Variants in CDK5RAP2 observed in about 807,000 individuals in gnomAD.
CDK5RAP2 encodes CDK5 regulatory subunit-associated protein 2.
Under a neutral mutation model 232.9 loss-of-function variants are expected in CDK5RAP2, and 147 were observed. The ratio of observed to expected loss-of-function variants is 0.63; its 90% CI spans 0.55 to 0.72. The LOEUF is 0.72. Ranked by LOEUF, CDK5RAP2 falls within the 30% of genes least tolerant of loss-of-function variation. The probability of loss-of-function intolerance (pLI) is 0.00; values close to 1 mark genes in which losing one functional copy is unlikely to be tolerated. For synonymous variants in CDK5RAP2, 833 were observed against 833.7 expected (o/e 1.00, Z 0.01); for missense variants, 2,195 against 2,231.5 (o/e 0.98, Z 0.33).
intron 36 of CDK5RAP2, among the ~76,000 whole-genome samples, chr9:120,390,769 G>A (rs931614197): frequency 2.0e-5 from 3 of 152,166 alleles, no homozygotes; most frequent in Non-Finnish European, 2.9e-5. Flanking sequence ...CAGACTCAAC[G>A]CCCAACACAC....
chr9:120,407,269 A>C (rs1439840433), intron 31 of CDK5RAP2, 21 bp from the exon 32 acceptor site: 2 of 1,565,300 alleles, frequency 1.3e-6, no homozygotes, highest in Non-Finnish European at 1.8e-6. Flanking sequence ...GTGCAAAGAG[A>C]AGCCCTGACA....
chr9:120,475,531 T>C (rs1319875708), intron 15 of CDK5RAP2, among the ~76,000 whole-genome samples: 1 of 152,006 alleles, frequency 6.6e-6, no homozygotes, highest in African/African-American at 2.4e-5. Context: ...ATGAAATGTG[T>C]CCACTCCCTC....
chr9:120,419,769 T>C lies in CDK5RAP2; in HGVS notation c.4177+19A>G. ...TTTAATCAGGCCATGTTTAAAACAC[T>C]TAATGAGGCTTAGCTTACCTTGAGA... is the stretch of plus-strand genomic sequence containing the variant. On this transcript the variant is annotated intron_variant, in intron 27 of 37. Coordinates refer to ENST00000349780, the MANE Select transcript of CDK5RAP2 (RefSeq NM_018249.6). 1 of 1,597,556 alleles carries C rather than the reference T, an allele frequency of 6.3e-7. No individual in the cohort carries two copies. Among genetic ancestry groups the C allele is most frequent in the Non-Finnish European group, 8.6e-7 (1 of 1,165,006 alleles).
At chr9:120,501,201 G>A (rs1048546297) in intron 12 of CDK5RAP2, among the ~76,000 whole-genome samples, 31 of 152,246 alleles carry the variant, frequency 2.0e-4, no homozygotes, top group African/African-American at 7.5e-4. Context: ...CTGTCTTGCC[G>A]TTCCTCTTAC....
chr9:120,483,914 G>C (rs2038456468), intron 14 of CDK5RAP2, among the ~76,000 whole-genome samples: 1 of 152,214 alleles, frequency 6.6e-6, no homozygotes. Context: ...CTGGTAGATA[G>C]ATGGTGTCTA....
chr9:120,538,329 C>A (rs1212049259), intron 6 of CDK5RAP2, among the ~76,000 whole-genome samples: 1 of 152,092 alleles, frequency 6.6e-6, no homozygotes, highest in African/African-American at 2.4e-5. Flanking sequence ...GGTAGAGAAA[C>A]TGTGATAAAA....
chr9:120,517,047 G>A (rs1012224495), intron 12 of CDK5RAP2, among the ~76,000 whole-genome samples: 10 of 152,044 alleles, frequency 6.6e-5, no homozygotes, highest in South Asian at 2.1e-4. Context: ...CAACATGATC[G>A]TTCTGGAGCC....
chr9:120,478,025 T>C (rs1013068744), intron 14 of CDK5RAP2, among the ~76,000 whole-genome samples: 12 of 152,208 alleles, frequency 7.9e-5, no homozygotes, highest in Non-Finnish European at 1.8e-4. Flanking sequence ...TTCAGTCTCC[T>C]CATTTATGAA....
Position 120,415,129 on chromosome 9 carries a change from C to T in CDK5RAP2, c.4208G>A (p.Arg1403Gln), listed in dbSNP as rs767034315. ...DLLMEHIQEIRTLRKRLEESI... is the reference protein window; with the variant it reads ...DLLMEHIQEIQTLRKRLEESI... ...TTCTTCTAAACGCTTTCTCAAAGTT[C>T]GAATTTCCTGTATGTGTTCCATTAG... The change falls in exon 28 of 38, where the codon CGA (arginine) becomes CAA (glutamine). Residue 1403 changes from arginine to glutamine, a missense_variant. Arg to Gln is a conservative substitution (Grantham distance 43). Transcript: ENST00000349780. The T allele has an allele frequency of 9.9e-6, 16 of 1,614,090 alleles. No homozygotes were observed. The highest frequency in any genetic ancestry group is 2.2e-5 in the East Asian group (1 of 44,878).
chr9:120,527,366 A>C (rs1217716205), intron 10 of CDK5RAP2, among the ~76,000 whole-genome samples: 1 of 152,046 alleles, frequency 6.6e-6, no homozygotes, highest in Non-Finnish European at 1.5e-5. Flanking sequence ...CACTACCCAC[A>C]TGTGGCTCTT....
chr9:120,430,161 G>C (rs1320031182), intron 25 of CDK5RAP2, among the ~76,000 whole-genome samples: 1 of 152,080 alleles, frequency 6.6e-6, no homozygotes. Context: ...AAAAACCCTA[G>C]AAGAAAACCT....
intron 12 of CDK5RAP2, among the ~76,000 whole-genome samples, chr9:120,518,165 C>CTGTGTGTGTG (rs56032707): frequency 0.012 from 1,346 of 111,216 alleles, 12 homozygotes; most frequent in Non-Finnish European, 0.015. Flanking sequence ...GATAACAACT[C>CTGTGTGTGTG]TGTGTGTGTG....
chr9:120,461,902 GTCA>G (rs2131463484), intron 18 of CDK5RAP2, among the ~76,000 whole-genome samples: 1 of 152,324 alleles, frequency 6.6e-6, no homozygotes, highest in African/African-American at 2.4e-5. Context: ...AGAGTATTGG[GTCA>G]TTTGTTGGGC....
intron 7 of CDK5RAP2, among the ~76,000 whole-genome samples, chr9:120,531,487 C>T (rs560217865): frequency 6.6e-6 from 1 of 152,306 alleles, no homozygotes; most frequent in East Asian, 1.9e-4. Flanking sequence ...TCTCTCTGAG[C>T]CTGTGCCTCC....
intron 12 of CDK5RAP2, among the ~76,000 whole-genome samples, chr9:120,503,344 G>T (rs572813427): frequency 1.3e-5 from 2 of 152,180 alleles, no homozygotes; most frequent in Non-Finnish European, 2.9e-5. Flanking sequence ...ATGACCATAG[G>T]GGGAGGGCAG....
intron 3 of CDK5RAP2, among the ~76,000 whole-genome samples, chr9:120,564,281 C>T (rs1394549477): frequency 6.6e-6 from 1 of 151,972 alleles, no homozygotes; most frequent in Non-Finnish European, 1.5e-5. Context: ...TCCTGGCTAA[C>T]ATGGTGAGAC....
chr9:120,434,118 C>G (rs1385990971), intron 25 of CDK5RAP2, among the ~76,000 whole-genome samples: 1 of 152,038 alleles, frequency 6.6e-6, no homozygotes, highest in Admixed American at 6.6e-5. Flanking sequence ...GAAAATAACA[C>G]AGGGTAAGGG....
At chr9:120,401,180 G>A (rs1174753332) in intron 34 of CDK5RAP2, among the ~76,000 whole-genome samples, 1 of 151,938 alleles carries the variant, frequency 6.6e-6, no homozygotes. Flanking sequence ...CTGTGGGAGG[G>A]CCATTCTTAC....
At chr9:120,564,689 T>C (rs73660582) in intron 3 of CDK5RAP2, among the ~76,000 whole-genome samples, 1,559 of 152,278 alleles carry the variant, frequency 0.01, 25 homozygotes, top group African/African-American at 0.035. Context: ...ATGCCATCCA[T>C]GAGTATTGAG....
Sources: gnomAD v4.1 joint callset for allele counts (sites outside exome capture counted in the v4.1 genomes callset) on GRCh38, gnomAD v4.1.1 for gene constraint, MANE v1.5 for transcripts, NCBI Gene and HGNC (gene_info 2026-07-23, HGNC 2026-07-21) for gene names.